Variants in EHD4 observed in about 807,000 individuals in gnomAD.
EHD4 encodes EH domain-containing protein 4.
EHD4 carries 37 observed loss-of-function variants against 51.0 expected under a neutral mutation model. That is an observed-to-expected ratio of 0.73 (90% CI 0.56 to 0.95). The LOEUF (loss-of-function observed/expected upper bound fraction) is 0.95, where lower values mean the gene tolerates loss of function less well. EHD4 is among the 40% of genes least tolerant of loss of function. The probability of loss-of-function intolerance (pLI) is 0.00; values close to 1 mark genes in which losing one functional copy is unlikely to be tolerated. For synonymous variants in EHD4, 297 were observed against 317.3 expected (o/e 0.94, Z 0.68); for missense variants, 632 against 733.1 (o/e 0.86, Z 1.59).
At chr15:41,961,349 C>A (rs2067923256) in intron 1 of EHD4, among the ~76,000 whole-genome samples, 1 of 152,200 alleles carries the variant, frequency 6.6e-6, no homozygotes, top group Admixed American at 6.5e-5. Flanking sequence ...TCTTACAGTT[C>A]TATTTGTTCT....
chr15:41,922,517 T>C (rs543297687), intron 3 of EHD4, among the ~76,000 whole-genome samples: 2 of 152,350 alleles, frequency 1.3e-5, no homozygotes, highest in East Asian at 3.9e-4. Context: ...GAAACACAGC[T>C]GCTGCTGCTA....
At chr15:41,941,869 T>C (rs1284723030) in intron 3 of EHD4, 1 of 152,224 alleles carries the variant, frequency 6.6e-6, no homozygotes, top group Non-Finnish European at 1.5e-5. Context: ...CACTTCTGCT[T>C]TGTGAGCTGT....
At position 41,897,246 on chromosome 15, in the gene EHD4, C is replaced by T. The variant is rs1298738639; in HGVS notation, c.*3399G>A. 6.6e-6 allele frequency: 1 copy of T among 152,204 alleles called. No individual in the cohort carries two copies. The highest frequency in any genetic ancestry group is 1.5e-5 in the Non-Finnish European group (1 of 68,056). 9.4% of individuals were successfully genotyped at this position (152,204 alleles called of 1,614,324 possible). On this transcript the variant is annotated 3_prime_UTR_variant, in exon 6 of 6. Transcript: ENST00000220325. ...CCCATGGAGAAAATAAACAGTGAAA[C>T]ACTTTCCTCATCTTCAAGGCAATTG...
At chr15:41,905,532 C>A (rs967607013) in intron 5 of EHD4, among the ~76,000 whole-genome samples, 4 of 152,178 alleles carry the variant, frequency 2.6e-5, no homozygotes, top group Non-Finnish European at 5.9e-5. Context: ...CTCATGGAGC[C>A]ACAGACTTAC....
At chr15:41,949,890 G>A (rs943089167) in intron 2 of EHD4, among the ~76,000 whole-genome samples, 3 of 152,130 alleles carry the variant, frequency 2.0e-5, no homozygotes, top group African/African-American at 7.2e-5. Context: ...CTTCCCTGGC[G>A]TCTCAGAGGA....
intron 4 of EHD4, among the ~76,000 whole-genome samples, chr15:41,910,481 G>A (rs1300569476): frequency 6.6e-6 from 1 of 152,208 alleles, no homozygotes; most frequent in African/African-American, 2.4e-5. Flanking sequence ...GCTGTCATTG[G>A]AGGGGCGAGA....
intron 2 of EHD4, among the ~76,000 whole-genome samples, chr15:41,948,680 G>T (rs1032750102): frequency 5.9e-5 from 9 of 152,122 alleles, no homozygotes; most frequent in African/African-American, 2.2e-4. Context: ...CTGATGCTGT[G>T]AACTTTAGTA....
At chr15:41,946,471 T>A (rs142595232) in intron 2 of EHD4, among the ~76,000 whole-genome samples, 35 of 152,320 alleles carry the variant, frequency 2.3e-4, no homozygotes, top group African/African-American at 8.4e-4. Flanking sequence ...TGACTCTCCC[T>A]GTAATCCCAG....
rs954931063 is a variant in EHD4 at position 41,900,455 on chromosome 15, T to C, written c.*190A>G. 8.0e-6 allele frequency: 5 copies of C among 624,216 alleles called. No individual in the cohort carries two copies. Among genetic ancestry groups the C allele is most frequent in the East Asian group, 2.8e-5 (1 of 35,700 alleles). The allele number at this position is 624,216 out of a possible 1,614,324, so 38.7% of individuals were successfully genotyped here. On this transcript the variant is annotated 3_prime_UTR_variant, in exon 6 of 6. Transcript: ENST00000220325. This position sits in a 1 kb window ranked among gnomAD's most constrained non-coding sequence, Gnocchi z 4.8. ...CACCCCCCTACCCCCAATATTTTCATAGAAACTAAGGGAATTTTGGAGGTG... is the reference window on the plus strand; with the variant it reads ...CACCCCCCTACCCCCAATATTTTCACAGAAACTAAGGGAATTTTGGAGGTG...
At chr15:41,950,659 T>G (rs1008876202) in intron 2 of EHD4, among the ~76,000 whole-genome samples, 1 of 152,224 alleles carries the variant, frequency 6.6e-6, no homozygotes, top group Non-Finnish European at 1.5e-5. Flanking sequence ...CTTAAGTAGC[T>G]ATGAGTTTAC....
chr15:41,954,345 G>A (rs1194791980), intron 1 of EHD4, among the ~76,000 whole-genome samples: 2 of 152,200 alleles, frequency 1.3e-5, no homozygotes, highest in Non-Finnish European at 2.9e-5. Flanking sequence ...ACCATGCCAG[G>A]AGGATGATCT....
intron 5 of EHD4, among the ~76,000 whole-genome samples, chr15:41,904,029 G>T (rs1399492871): frequency 6.6e-6 from 1 of 152,136 alleles, no homozygotes; most frequent in Admixed American, 6.5e-5. Context: ...CGCTAAGCAG[G>T]TGGAGGAGCA....
At chr15:41,953,395 T>C (rs1037904163) in intron 2 of EHD4, among the ~76,000 whole-genome samples, 9 of 152,152 alleles carry the variant, frequency 5.9e-5, no homozygotes, top group African/African-American at 2.2e-4. Context: ...ACTTTTAAAA[T>C]TTTTTGCAGA....
At chr15:41,923,595 C>A (rs1416050115) in intron 3 of EHD4, among the ~76,000 whole-genome samples, 1 of 152,180 alleles carries the variant, frequency 6.6e-6, no homozygotes, top group Non-Finnish European at 1.5e-5. Context: ...GCCTGGGGAT[C>A]TGCACTTGGA....
intron 1 of EHD4, among the ~76,000 whole-genome samples, chr15:41,964,583 G>A (rs1405942135): frequency 6.6e-6 from 1 of 152,022 alleles, no homozygotes; most frequent in Non-Finnish European, 1.5e-5. Context: ...TCCAGCCTGG[G>A]CAACAGAGCA....
In EHD4 at chr15:41,900,321, T is replaced by C; in HGVS notation, c.*324A>G. 3.0e-6 allele frequency: 1 copy of C among 330,944 alleles called. No homozygotes were observed. Among genetic ancestry groups the C allele is most frequent in the South Asian group, 6.8e-5 (1 of 14,784 alleles). The allele number at this position is 330,944 out of a possible 1,614,324, so 20.5% of individuals were successfully genotyped here. A position where few individuals can be genotyped will look rare whatever the true frequency, so the allele number is the denominator to read the frequency against. ...TCTGGGTGAGCCTTAGCTCACTTCCTGTGGTTCCTGGGACTTACCAGGCCC... is the reference window on the plus strand; with the variant it reads ...TCTGGGTGAGCCTTAGCTCACTTCCCGTGGTTCCTGGGACTTACCAGGCCC... On this transcript the variant is annotated 3_prime_UTR_variant, in exon 6 of 6. Transcript: ENST00000220325. The surrounding 1 kb of genome is among the most constrained non-coding windows in gnomAD (Gnocchi z 4.8).
At chr15:41,968,240 T>C (rs1215315193) in intron 1 of EHD4, among the ~76,000 whole-genome samples, 1 of 152,176 alleles carries the variant, frequency 6.6e-6, no homozygotes, top group African/African-American at 2.4e-5. Context: ...CCCCTGCCCC[T>C]TTTTTCCCCT....
At chr15:41,970,491 CAG>C (rs1333776183) in intron 1 of EHD4, among the ~76,000 whole-genome samples, 2 of 152,176 alleles carry the variant, frequency 1.3e-5, no homozygotes, top group Admixed American at 1.3e-4. Flanking sequence ...AATAATGAAA[CAG>C]AGAGAAGAGT....
At position 41,949,170 on chromosome 15, in the gene EHD4, G is replaced by A. The variant is rs951530081; in HGVS notation, c.413+4594C>T. Among the ~76,000 whole-genome samples the A allele has an allele frequency of 4.0e-5, 6 of 151,324 alleles. No homozygotes were observed. The East Asian group carries it at 9.7e-4, about 25-fold the overall frequency. On this transcript the variant is annotated intron_variant, in intron 2 of 5. Transcript: ENST00000220325. ...GGATCACCTGAGGTCAGGAATTCAA[G>A]ACCAGCCTCGCCAACATGGTGAAAC...
Sources: allele counts gnomAD v4.1 joint callset (sites outside exome capture counted in the v4.1 genomes callset), GRCh38; gene constraint gnomAD v4.1.1; non-coding constraint Gnocchi (gnomAD v3.1); transcripts MANE v1.5; gene names NCBI Gene and HGNC (gene_info 2026-07-23, HGNC 2026-07-21).